The following ZPLD1 variants were observed in gnomAD, a reference collection of about 807,000 sequenced individuals.
The protein encoded by ZPLD1 is zona pellucida like domain containing 1, also known as zona pellucida-like domain-containing protein 1.
Under a neutral mutation model 47.2 loss-of-function variants are expected in ZPLD1, and 34 were observed. The ratio of observed to expected loss-of-function variants is 0.72; its 90% CI spans 0.55 to 0.96. The LOEUF (loss-of-function observed/expected upper bound fraction) is 0.96. Ranked by LOEUF, ZPLD1 falls within the 40% of genes least tolerant of loss-of-function variation. The pLI is 0.00. For missense variants in ZPLD1, 512 were observed against 505.8 expected (o/e 1.01, Z -0.12); for synonymous variants, 176 against 186.2 (o/e 0.95, Z 0.45).
chr3:102,435,336 C>A (rs1707073016), intron 1 of ZPLD1, among the ~76,000 whole-genome samples, 182 bp downstream of exon 1: 1 of 152,110 alleles, frequency 6.6e-6, no homozygotes, highest in Admixed American at 6.5e-5. Flanking sequence ...CCTAATGTGC[C>A]TTAATATTAA....
upstream of ZPLD1, among the ~76,000 whole-genome samples, chr3:102,433,847 G>A (rs1375174546): frequency 6.6e-6 from 1 of 152,028 alleles, no homozygotes; most frequent in Non-Finnish European, 1.5e-5. Flanking sequence ...TGTTCTTTAT[G>A]CACTCACTGC....
intron 6 of ZPLD1, among the ~76,000 whole-genome samples, chr3:102,458,613 A>C (rs1164457817): frequency 6.6e-6 from 1 of 152,188 alleles, no homozygotes; most frequent in Non-Finnish European, 1.5e-5. Context: ...ACTGATTTAA[A>C]AGTCAGTGCT....
intron 8 of ZPLD1, among the ~76,000 whole-genome samples, chr3:102,420,248 T>C (rs1706861150): frequency 6.6e-6 from 1 of 151,930 alleles, no homozygotes. Context: ...GAAAATGGCC[T>C]TTGTCAAGGC....
At chr3:102,440,999 G>C (rs919809986) in intron 3 of ZPLD1, among the ~76,000 whole-genome samples, 7 of 152,172 alleles carry the variant, frequency 4.6e-5, no homozygotes, top group Admixed American at 2.6e-4. Flanking sequence ...GTGAGAAGGA[G>C]AGATAAAGCC....
At chr3:102,426,685 T>C (rs1298390163) in intron 8 of ZPLD1, among the ~76,000 whole-genome samples, 1 of 152,186 alleles carries the variant, frequency 6.6e-6, no homozygotes, top group Non-Finnish European at 1.5e-5. Context: ...TGTTTAAATG[T>C]AAGGGCTTAA....
intron 6 of ZPLD1, among the ~76,000 whole-genome samples, chr3:102,461,701 C>A (rs1392952666): frequency 6.6e-6 from 1 of 151,960 alleles, no homozygotes; most frequent in Non-Finnish European, 1.5e-5. Flanking sequence ...TTTGGTTCTC[C>A]TGTAGTTTCT....
chr3:102,451,637 G>A (rs1017601578), intron 3 of ZPLD1, among the ~76,000 whole-genome samples: 13 of 152,132 alleles, frequency 8.5e-5, no homozygotes, highest in African/African-American at 3.1e-4. Flanking sequence ...GATGCCAGAA[G>A]TTCAAAATCC....
chr3:102,455,835 A>G (rs1475466273), intron 4 of ZPLD1, among the ~76,000 whole-genome samples: 1 of 152,182 alleles, frequency 6.6e-6, no homozygotes, highest in Non-Finnish European at 1.5e-5. Context: ...GAGCCTGGAG[A>G]TATGAAGCTA....
intron 1 of ZPLD1, among the ~76,000 whole-genome samples, chr3:102,435,840 C>T (rs1411574361): frequency 6.6e-6 from 1 of 152,016 alleles, no homozygotes; most frequent in Admixed American, 6.5e-5. Context: ...GACGGTGTTT[C>T]ACCGTATTAG....
chr3:102,388,022 A>G (rs62274713), intron 6 of ZPLD1, among the ~76,000 whole-genome samples: 24,566 of 151,632 alleles, frequency 0.16, 2,032 homozygotes, highest in African/African-American at 0.2. Flanking sequence ...CACCACGCCC[A>G]GCTAATTTTT....
intron 7 of ZPLD1, among the ~76,000 whole-genome samples, chr3:102,408,255 GA>G (rs1313620130): frequency 1.3e-5 from 2 of 151,606 alleles, no homozygotes; most frequent in African/African-American, 4.8e-5. Context: ...TCTAGAAGGA[GA>G]AAAAGGGAAA....
chr3:102,392,713 C>T (rs1405468107), intron 7 of ZPLD1, among the ~76,000 whole-genome samples: 1 of 152,100 alleles, frequency 6.6e-6, no homozygotes, highest in Non-Finnish European at 1.5e-5. Context: ...ATCTAATTAC[C>T]TGTTAAAGGT....
Position 102,435,136 on chromosome 3 carries a change from T to G in ZPLD1, c.-141T>G, listed in dbSNP as rs745949848. 16 of 1,614,068 alleles carry G rather than the reference T, an allele frequency of 9.9e-6. No individual in the cohort carries two copies. In the South Asian group the frequency reaches 1.8e-4, roughly 18 times the overall value. ...CAAGATGATGCTCAGGTTTTCCATG[T>G]GCAGGGGAAATGATGAAGGTAAGGT... is the stretch of plus-strand genomic sequence containing the variant. On this transcript the variant is annotated 5_prime_UTR_variant, in exon 1 of 12. Transcript: ENST00000466937.
intron 8 of ZPLD1, among the ~76,000 whole-genome samples, chr3:102,423,811 G>A (rs1267297681): frequency 6.6e-6 from 1 of 152,104 alleles, no homozygotes; most frequent in Non-Finnish European, 1.5e-5. Context: ...CTTATTTTGT[G>A]CTGCTCAGCT....
At chr3:102,432,769 A>G (rs992643699), upstream of ZPLD1, among the ~76,000 whole-genome samples, 2 of 151,888 alleles carry the variant, frequency 1.3e-5, no homozygotes, top group South Asian at 2.1e-4. Context: ...AGGAAAGTCT[A>G]TTTTATTTGA....
chr3:102,429,672 G>T (rs1259063043), intron 8 of ZPLD1, among the ~76,000 whole-genome samples: 1 of 152,090 alleles, frequency 6.6e-6, no homozygotes, highest in Non-Finnish European at 1.5e-5. Context: ...TGTGGAGAAG[G>T]CCCTTATTCT....
intron 8 of ZPLD1, among the ~76,000 whole-genome samples, chr3:102,423,648 G>A (rs1706906849): frequency 6.6e-6 from 1 of 152,022 alleles, no homozygotes; most frequent in Non-Finnish European, 1.5e-5. Context: ...TCAAAGAGTA[G>A]CTTTCTGACA....
intron 10 of ZPLD1, among the ~76,000 whole-genome samples, chr3:102,472,077 A>G (rs1707694014): frequency 6.6e-6 from 1 of 152,202 alleles, no homozygotes; most frequent in South Asian, 2.1e-4. Flanking sequence ...AATTCAGACA[A>G]TTGCTTTAAT....
chr3:102,409,826 A>C (rs1706730722), intron 7 of ZPLD1, among the ~76,000 whole-genome samples: 1 of 151,792 alleles, frequency 6.6e-6, no homozygotes. Context: ...GAAGTCAAAT[A>C]AATCTTCACA....
Sources: gnomAD v4.1 joint callset for allele counts (sites outside exome capture counted in the v4.1 genomes callset) on GRCh38, gnomAD v4.1.1 for gene constraint, MANE v1.5 for transcripts, NCBI Gene and HGNC (gene_info 2026-07-23, HGNC 2026-07-21) for gene names.